Variants in KLHL23 observed in about 807,000 individuals in gnomAD.
KLHL23 encodes kelch like family member 23.
In KLHL23, 33 loss-of-function variants were observed where a neutral mutation model predicts 48.9. That is an observed-to-expected ratio of 0.67 (90% CI 0.51 to 0.90). The LOEUF (loss-of-function observed/expected upper bound fraction) is 0.90, where lower values mean the gene tolerates loss of function less well. Among genes scored for constraint, KLHL23 ranks in the 40% least tolerant of loss-of-function variants. The pLI is 0.00. For missense variants in KLHL23, 608 were observed against 669.6 expected (o/e 0.91, Z 1.02); for synonymous variants, 234 against 231.6 (o/e 1.01, Z -0.09).
intron 3 of KLHL23, among the ~76,000 whole-genome samples, chr2:169,747,334 A>C (rs1177960232): frequency 1.5e-5 from 2 of 134,810 alleles, no homozygotes; most frequent in Admixed American, 1.8e-4. Flanking sequence ...GGTTGCAGTG[A>C]GCCGAGATTG....
At chr2:169,747,821 A>G (rs867970459) in intron 3 of KLHL23, among the ~76,000 whole-genome samples, 74 of 152,264 alleles carry the variant, frequency 4.9e-4, no homozygotes, top group African/African-American at 1.6e-3. Context: ...CTGTGCTGCC[A>G]GGAGGGAGAG....
intron 3 of KLHL23, 49 bp from the exon 4 acceptor site, chr2:169,749,369 TTTTG>T (rs1348702517): frequency 3.4e-6 from 5 of 1,473,896 alleles, no homozygotes; most frequent in African/African-American, 2.8e-5. Context: ...GTGGAATCTC[TTTTG>T]TTTGTTATCC....
chr2:169,736,205 T>A lies in KLHL23; in HGVS notation c.1191T>A (p.Ile397=). 1 of 1,608,200 alleles carries A rather than the reference T, an allele frequency of 6.2e-7. No homozygotes were observed. Among genetic ancestry groups the A allele is most frequent in the Non-Finnish European group, 8.5e-7 (1 of 1,177,714 alleles). The change falls in exon 2 of 4, where the codon ATT becomes ATA. Residue 397 remains isoleucine (I), a synonymous_variant. Coordinates refer to ENST00000392647, the MANE Select transcript of KLHL23 (RefSeq NM_144711.6). ...EFYDPLKEKW[I]PIANMIKGVG... is the part of the protein sequence containing the mutation. ...ATGATCCTTTAAAAGAGAAATGGATTCCTATTGCAAACATGATTAAAGGTA... is the reference window on the plus strand; with the variant it reads ...ATGATCCTTTAAAAGAGAAATGGATACCTATTGCAAACATGATTAAAGGTA...
intron 2 of KLHL23, chr2:169,741,121 T>TA (rs1396217216): frequency 3.3e-6 from 1 of 305,690 alleles, no homozygotes; most frequent in African/African-American, 2.1e-5. Flanking sequence ...ACAGTATCAC[T>TA]AGGTGATAGG....
chr2:169,747,527 C>G (rs564051159), intron 3 of KLHL23, among the ~76,000 whole-genome samples: 1 of 145,526 alleles, frequency 6.9e-6, no homozygotes, highest in Non-Finnish European at 1.5e-5. Flanking sequence ...GCCTTGAAGT[C>G]CTGGGCTCAA....
intron 2 of KLHL23, among the ~76,000 whole-genome samples, chr2:169,740,791 T>TATATATA (rs1291405019): frequency 7.1e-6 from 1 of 140,232 alleles, no homozygotes; most frequent in African/African-American, 2.7e-5. Context: ...TATATATATA[T>TATATATA]AACTTATTTA....
In KLHL23 at chr2:169,751,120, G is replaced by A. The variant is rs1688960198; in HGVS notation, c.*1388G>A. 6.6e-6 allele frequency: 1 copy of A among 152,220 alleles called. No individual in the cohort carries two copies. Among genetic ancestry groups the A allele is most frequent in the African/African-American group, 2.4e-5 (1 of 41,426 alleles). The allele number at this position is 152,220 out of a possible 1,614,324, so 9.4% of individuals were successfully genotyped here. A position where few individuals can be genotyped will look rare whatever the true frequency, so the allele number is the denominator to read the frequency against. ...CCCTTGCTACATCCAAAGGTGGCCT[G>A]GGTGGCTGGAGCCTCTGGGCCAGAA... On this transcript the variant is annotated 3_prime_UTR_variant, in exon 4 of 4. Transcript: ENST00000392647.
At chr2:169,748,887 C>T (rs544250556) in intron 3 of KLHL23, among the ~76,000 whole-genome samples, 21 of 151,862 alleles carry the variant, frequency 1.4e-4, no homozygotes, top group Admixed American at 2.0e-4. Context: ...TCATGCCCCA[C>T]GAGTCTGGGT....
intron 3 of KLHL23, among the ~76,000 whole-genome samples, chr2:169,748,924 A>T (rs1688873942): frequency 6.6e-6 from 1 of 152,020 alleles, no homozygotes; most frequent in East Asian, 1.9e-4. Context: ...TTGAGTTCAT[A>T]ACTGGACTGG....
Position 169,735,161 on chromosome 2 carries a change from T to C in KLHL23, c.147T>C (p.His49=). ...AGTGTCCTTCAGGCATAATTTTCCATTGTCACCGAGCCGTTTTAGCTGCTT... is the reference window on the plus strand; with the variant it reads ...AGTGTCCTTCAGGCATAATTTTCCACTGTCACCGAGCCGTTTTAGCTGCTT... ...TLQCPSGIIF[H]CHRAVLAACS... Residue 49 remains histidine (H), a synonymous_variant, in exon 2 of 4, where the codon CAT becomes CAC. Transcript: ENST00000392647. The surrounding 1 kb of genome is among the most constrained non-coding windows in gnomAD (Gnocchi z 4.5). The C allele has an allele frequency of 6.2e-7, 1 of 1,613,406 alleles. No individual in the cohort carries two copies. Among genetic ancestry groups the C allele is most frequent in the Middle Eastern group, 1.7e-4 (1 of 6,060 alleles).
intron 3 of KLHL23, among the ~76,000 whole-genome samples, chr2:169,741,895 A>G (rs1345899470): frequency 6.6e-6 from 1 of 152,216 alleles, no homozygotes; most frequent in Non-Finnish European, 1.5e-5. Flanking sequence ...CCATTCTATC[A>G]AATAGTCAGA....
intron 3 of KLHL23, among the ~76,000 whole-genome samples, chr2:169,748,950 A>G (rs115643535): frequency 0.011 from 1,725 of 152,288 alleles, 48 homozygotes; most frequent in African/African-American, 0.04. Context: ...TGAGAAGCAC[A>G]CAAGGCCACC....
intron 3 of KLHL23, among the ~76,000 whole-genome samples, chr2:169,742,536 G>A (rs1485737238): frequency 6.6e-6 from 1 of 152,330 alleles, no homozygotes; most frequent in South Asian, 2.1e-4. Flanking sequence ...AACTTGTGCT[G>A]TAGCCACTAA....
In KLHL23 at chr2:169,735,838, T is replaced by C. The variant is rs762776376; in HGVS notation, c.824T>C (p.Met275Thr). 6.2e-7 allele frequency: 1 copy of C among 1,614,142 alleles called. No homozygotes were observed. The highest frequency in any genetic ancestry group is 8.5e-7 in the Non-Finnish European group (1 of 1,180,042). ...KEISQRSTAT[M>T]YIIGGYYWHP... ...ATTTCCCAGAGGTCCACAGCCACAA[T>C]GTATATAATTGGAGGCTATTACTGG... The change falls in exon 2 of 4, where the codon ATG (methionine) becomes ACG (threonine). Residue 275 changes from methionine (M) to threonine (T), a missense_variant. Physicochemically the swap from Met to Thr is moderately conservative, Grantham distance 81. Around this residue, in one of 3 missense-constraint regions of KLHL23, gnomAD observed 419 missense variants for 473.1 expected, o/e 0.89. Transcript: ENST00000392647. This position sits in a 1 kb window ranked among gnomAD's most constrained non-coding sequence, Gnocchi z 4.5.
intron 1 of KLHL23, 101 bp downstream of exon 1, chr2:169,734,188 G>A (rs1408481988): frequency 4.1e-5 from 6 of 147,642 alleles, no homozygotes; most frequent in Admixed American, 3.4e-4. Context: ...GGCCGGGCGC[G>A]GGCAGCGAGG....
At chr2:169,741,234 C>CT in intron 2 of KLHL23, 151 bp from the exon 3 acceptor site, 1 of 1,016,570 alleles carries the variant, frequency 9.8e-7, no homozygotes, top group Non-Finnish European at 1.4e-6. Context: ...AAGAGCCTTC[C>CT]TTTTTTATTC....
At chr2:169,743,127 G>A (rs1688715335) in intron 3 of KLHL23, among the ~76,000 whole-genome samples, 1 of 152,152 alleles carries the variant, frequency 6.6e-6, no homozygotes, top group Admixed American at 6.5e-5. Context: ...GAAGTTAGAT[G>A]TTACTCTGCC....
In KLHL23 at chr2:169,735,325, A is replaced by G. The variant is rs751016410; in HGVS notation, c.311A>G (p.Lys104Arg). 1 of 1,613,626 alleles carries G rather than the reference A, an allele frequency of 6.2e-7. No homozygotes were observed. Among genetic ancestry groups the G allele is most frequent in the South Asian group, 1.1e-5 (1 of 90,798 alleles). ...YAYTSQIEIT[K>R]RNVQSLLEAA... ...TACACTTCCCAAATTGAAATAACTA[A>G]AAGAAATGTTCAAAGCCTGCTTGAG... is the stretch of plus-strand genomic sequence containing the variant. Residue 104 changes from lysine to arginine, a missense_variant, in exon 2 of 4, where the codon AAA becomes AGA. Coordinates refer to ENST00000392647, the MANE Select transcript of KLHL23 (RefSeq NM_144711.6). The surrounding 1 kb of genome is among the most constrained non-coding windows in gnomAD (Gnocchi z 4.5).
At chr2:169,740,961 A>G (rs936158429) in intron 2 of KLHL23, 14 of 153,050 alleles carry the variant, frequency 9.1e-5, no homozygotes, top group Non-Finnish European at 1.9e-4. Context: ...TTCAAGGGCA[A>G]TAACAGGCAT....
Sources: allele counts gnomAD v4.1 joint callset (sites outside exome capture counted in the v4.1 genomes callset), GRCh38; gene constraint gnomAD v4.1.1; regional missense constraint gnomAD v4.1.1; non-coding constraint Gnocchi (gnomAD v3.1); transcripts MANE v1.5; gene names NCBI Gene and HGNC (gene_info 2026-07-23, HGNC 2026-07-21).